Variants in GRM8 observed in about 807,000 individuals in gnomAD.
The protein encoded by GRM8 is glutamate metabotropic receptor 8, also known as metabotropic glutamate receptor 8.
GRM8 carries 47 observed loss-of-function variants against 87.2 expected under a neutral mutation model. The ratio of observed to expected loss-of-function variants is 0.54; its 90% CI spans 0.43 to 0.69. The LOEUF is 0.69. Among genes scored for constraint, GRM8 ranks in the 30% least tolerant of loss-of-function variants. The probability of loss-of-function intolerance (pLI) is 0.00; values close to 1 mark genes in which losing one functional copy is unlikely to be tolerated. For synonymous variants in GRM8, 396 were observed against 404.5 expected, an observed-to-expected ratio of 0.98 and a Z score of 0.25; for missense variants, 1,019 against 1,139.2, an observed-to-expected ratio of 0.89 and a Z score of 1.52.
intron 6 of GRM8, among the ~76,000 whole-genome samples, chr7:126,800,124 A>T (rs114949149): frequency 0.016 from 2,489 of 152,198 alleles, 74 homozygotes; most frequent in African/African-American, 0.056. Flanking sequence ...AGTTTTTTTT[A>T]AAATGACAAT....
At chr7:126,772,370 C>A (rs1031524621) in intron 6 of GRM8, among the ~76,000 whole-genome samples, 1 of 152,106 alleles carries the variant, frequency 6.6e-6, no homozygotes, top group East Asian at 1.9e-4. Context: ...CATCGCTGAA[C>A]TTGATAACGG....
At chr7:126,642,874 A>G (rs62477908) in intron 7 of GRM8, among the ~76,000 whole-genome samples, 46,793 of 151,884 alleles carry the variant, frequency 0.31, 8,100 homozygotes, top group East Asian at 0.43. Context: ...TTTCTTATCC[A>G]TAAAATGGGG....
chr7:126,570,466 G>T (rs1178378147), intron 8 of GRM8, among the ~76,000 whole-genome samples: 1 of 152,248 alleles, frequency 6.6e-6, no homozygotes, highest in Non-Finnish European at 1.5e-5. Flanking sequence ...AAATAAACTA[G>T]ACATTAGAAA....
rs538500727 is a variant in GRM8, at chr7:126,703,355, G to A, written c.1357+66510C>T. On this transcript the variant is annotated intron_variant, in intron 7 of 10. Coordinates refer to ENST00000339582, the MANE Select transcript of GRM8 (RefSeq NM_000845.3). ...TTTGAAGCATCAAGAGTTTGTTTTC[G>A]TTTTGTTTTTGGGTATCTTTGGTTG... Among the ~76,000 whole-genome samples, 20 of 152,204 alleles carry A rather than the reference G, an allele frequency of 1.3e-4. No individual in the cohort carries two copies. The South Asian group carries it at 3.3e-3, about 25-fold the overall frequency.
chr7:126,776,159 G>C (rs1819447868), intron 6 of GRM8, among the ~76,000 whole-genome samples: 1 of 152,086 alleles, frequency 6.6e-6, no homozygotes, highest in South Asian at 2.1e-4. Flanking sequence ...TAAAATTATT[G>C]CTGAGAATAA....
At chr7:126,671,679 T>G (rs143782629) in intron 7 of GRM8, among the ~76,000 whole-genome samples, 39 of 152,308 alleles carry the variant, frequency 2.6e-4, no homozygotes, top group African/African-American at 9.4e-4. Context: ...TTCTGAACAG[T>G]TATCCTACAA....
intron 6 of GRM8, among the ~76,000 whole-genome samples, chr7:126,864,283 T>C (rs184584818): frequency 1.3e-5 from 2 of 152,308 alleles, no homozygotes; most frequent in East Asian, 3.9e-4. Context: ...TTCACTTCTC[T>C]ACTACATACA....
rs1160357722 is a variant in GRM8 at position 126,849,126 on chromosome 7, G to T, written c.1156+53416C>A. On this transcript the variant is annotated intron_variant, in intron 6 of 10. Coordinates refer to ENST00000339582, the MANE Select transcript of GRM8 (RefSeq NM_000845.3). ...CCACCAGGTCACTCCCACAACACAT[G>T]GGAATTCAAGATGAGATTTGGATGG... 2.0e-5 allele frequency among the ~76,000 whole-genome samples: 3 copies of T among 152,112 alleles called. No homozygotes were observed. In the East Asian group the frequency reaches 5.8e-4, roughly 29 times the overall value.
chr7:127,167,922 G>A (rs1793551835), intron 2 of GRM8, among the ~76,000 whole-genome samples: 1 of 152,056 alleles, frequency 6.6e-6, no homozygotes, highest in Admixed American at 6.6e-5. Flanking sequence ...AGAAAACCTA[G>A]GCAACACCAT....
At chr7:126,731,512 C>T (rs1448520626) in intron 7 of GRM8, among the ~76,000 whole-genome samples, 1 of 151,844 alleles carries the variant, frequency 6.6e-6, no homozygotes, top group African/African-American at 2.4e-5. Context: ...AAAAGAGAAA[C>T]AAAGTACCTA....
At chr7:126,579,679 C>A (rs1233550792) in intron 8 of GRM8, among the ~76,000 whole-genome samples, 2 of 152,130 alleles carry the variant, frequency 1.3e-5, no homozygotes, top group South Asian at 2.1e-4. Flanking sequence ...TCTTCTAGAT[C>A]GCACCAGGAG....
Position 126,795,915 on chromosome 7 carries a change from A to G in GRM8, c.1157-25850T>C, listed in dbSNP as rs76354799. 2.4e-3 allele frequency among the ~76,000 whole-genome samples: 370 copies of G among 152,232 alleles called. 1 individual carries two copies. Among genetic ancestry groups the G allele is most frequent in the Non-Finnish European group, 4.3e-3 (291 of 67,990 alleles). Reference sequence around the variant, plus strand: ...TCCCCATTATGGTCACCCCACATTTAAAACATCAACATAGTCTACACATAA... The same window carrying G: ...TCCCCATTATGGTCACCCCACATTTGAAACATCAACATAGTCTACACATAA... On this transcript the variant is annotated intron_variant, in intron 6 of 10. Coordinates refer to ENST00000339582, the MANE Select transcript of GRM8 (RefSeq NM_000845.3).
At chr7:126,885,422 C>T (rs1037364530) in intron 6 of GRM8, among the ~76,000 whole-genome samples, 9 of 152,126 alleles carry the variant, frequency 5.9e-5, no homozygotes, top group African/African-American at 2.2e-4. Flanking sequence ...AAGGGGAGTA[C>T]TGAAATCATT....
chr7:126,518,447 GA>G (rs1236472953), intron 9 of GRM8, among the ~76,000 whole-genome samples: 1 of 152,080 alleles, frequency 6.6e-6, no homozygotes, highest in Non-Finnish European at 1.5e-5. Context: ...TAGAGAGCAA[GA>G]AATTTATAAA....
intron 2 of GRM8, among the ~76,000 whole-genome samples, chr7:127,184,545 T>G (rs1367401816): frequency 6.6e-6 from 1 of 151,902 alleles, no homozygotes; most frequent in African/African-American, 2.4e-5. Flanking sequence ...TACTTAATAG[T>G]GAGAAACCAG....
intron 6 of GRM8, among the ~76,000 whole-genome samples, chr7:126,800,256 C>T (rs1014750171): frequency 2.0e-5 from 3 of 152,018 alleles, no homozygotes; most frequent in Non-Finnish European, 4.4e-5. Context: ...TGTACAGACC[C>T]AGGAAGGAGA....
At chr7:127,159,585 C>T (rs1001325042) in intron 2 of GRM8, among the ~76,000 whole-genome samples, 1 of 151,934 alleles carries the variant, frequency 6.6e-6, no homozygotes, top group African/African-American at 2.4e-5. Context: ...AAAAAAATGA[C>T]AGGACTGAAA....
intron 2 of GRM8, among the ~76,000 whole-genome samples, chr7:127,168,364 A>G (rs1793580076): frequency 6.6e-6 from 1 of 152,158 alleles, no homozygotes; most frequent in Non-Finnish European, 1.5e-5. Flanking sequence ...CACATCCTAG[A>G]GAGGATGTGG....
chr7:126,994,736 C>T (rs975155759), intron 3 of GRM8, among the ~76,000 whole-genome samples: 19 of 152,220 alleles, frequency 1.2e-4, no homozygotes, highest in African/African-American at 4.3e-4. Context: ...AACAGAACAC[C>T]AGGTAGATTT....
Sources: allele counts gnomAD v4.1 joint callset (sites outside exome capture counted in the v4.1 genomes callset), GRCh38; gene constraint gnomAD v4.1.1; transcripts MANE v1.5; gene names NCBI Gene and HGNC (gene_info 2026-07-23, HGNC 2026-07-21).